The following UBE3D variants were observed in gnomAD, a reference collection of about 807,000 sequenced individuals.
The protein encoded by UBE3D is ubiquitin protein ligase E3D.
In UBE3D, 48 loss-of-function variants were observed where a neutral mutation model predicts 49.6. That is an observed-to-expected ratio of 0.97 (90% CI 0.77 to 1.23). UBE3D has a LOEUF of 1.23. Among genes scored for constraint, UBE3D ranks in the 50% most tolerant of loss-of-function variants. The pLI, the probability that UBE3D is intolerant of heterozygous loss-of-function variation, is 0.00. For missense variants in UBE3D, 452 were observed against 468.4 expected (o/e 0.96, Z 0.32); for synonymous variants, 189 against 174.2 (o/e 1.08, Z -0.67).
At chr6:82,932,577 C>T (rs1774243910) in intron 9 of UBE3D, 1 of 152,144 alleles carries the variant, frequency 6.6e-6, no homozygotes, top group Non-Finnish European at 1.5e-5. Context: ...TCTGTTTTCA[C>T]AGTTTTTCTT....
At chr6:82,991,822 G>C (rs1281184156) in intron 8 of UBE3D, among the ~76,000 whole-genome samples, 2 of 152,026 alleles carry the variant, frequency 1.3e-5, no homozygotes, top group Non-Finnish European at 2.9e-5. Context: ...TCCCCTTAAG[G>C]TTTTTCACCC....
intron 4 of UBE3D, among the ~76,000 whole-genome samples, chr6:83,043,000 A>T (rs1197955412): frequency 6.6e-6 from 1 of 152,222 alleles, no homozygotes. Flanking sequence ...TCTTTTCAAC[A>T]GCATCTTGTC....
intron 8 of UBE3D, among the ~76,000 whole-genome samples, chr6:82,981,926 G>A (rs1778145028): frequency 6.6e-6 from 1 of 152,060 alleles, no homozygotes; most frequent in Non-Finnish European, 1.5e-5. Flanking sequence ...GCAGCTGCAG[G>A]AATGTCATAT....
chr6:82,885,444 C>G, the UBE3D span, among the ~76,000 whole-genome samples: 1 of 152,120 alleles, frequency 6.6e-6, no homozygotes, highest in Non-Finnish European at 1.5e-5. Flanking sequence ...ACACTGTGTG[C>G]CAGGTGCTGT....
At chr6:82,903,518 G>A (rs1350876415) in intron 9 of UBE3D, among the ~76,000 whole-genome samples, 1 of 152,136 alleles carries the variant, frequency 6.6e-6, no homozygotes, top group Non-Finnish European at 1.5e-5. Context: ...CAGTAGCATA[G>A]TTGAATCAGT....
chr6:82,887,397 T>TTGTTTTGTTTTTTTTG (rs1562053900), downstream of UBE3D, among the ~76,000 whole-genome samples: 14 of 145,658 alleles, frequency 9.6e-5, 1 homozygote, highest in Middle Eastern at 3.2e-3. Context: ...CAGTTTTTTT[T>TTGTTTTGTTTTTTTTG]TTTTTTTTTT....
At chr6:82,889,068 T>G (rs1770936741), downstream of UBE3D, among the ~76,000 whole-genome samples, 2 of 152,208 alleles carry the variant, frequency 1.3e-5, no homozygotes, top group South Asian at 4.1e-4. Context: ...GTCTTGTGTA[T>G]TTAAGATTTA....
chr6:83,039,558 AAAC>A (rs1782502386), intron 4 of UBE3D, among the ~76,000 whole-genome samples: 1 of 152,190 alleles, frequency 6.6e-6, no homozygotes, highest in Admixed American at 6.5e-5. Flanking sequence ...AGTGTTTTCC[AAAC>A]AACAGCTCAT....
chr6:82,983,608 T>C (rs1365318854), intron 8 of UBE3D, among the ~76,000 whole-genome samples: 2 of 152,134 alleles, frequency 1.3e-5, no homozygotes, highest in East Asian at 1.9e-4. Flanking sequence ...AATCCAGGAC[T>C]AAACAGTTTT....
At chr6:82,922,971 C>G (rs1773460514) in intron 9 of UBE3D, among the ~76,000 whole-genome samples, 1 of 152,198 alleles carries the variant, frequency 6.6e-6, no homozygotes, top group African/African-American at 2.4e-5. Context: ...CTCATCATCA[C>G]TGGTCATCAG....
At chr6:82,980,202 C>T (rs78828580) in intron 8 of UBE3D, among the ~76,000 whole-genome samples, 14,903 of 152,126 alleles carry the variant, frequency 0.098, 825 homozygotes, top group Non-Finnish European at 0.13. Flanking sequence ...ACATTCCTGC[C>T]AACATTGTGC....
intron 8 of UBE3D, among the ~76,000 whole-genome samples, chr6:83,007,945 A>G (rs1187728576): frequency 1.2e-5 from 1 of 84,366 alleles, no homozygotes; most frequent in African/African-American, 3.2e-5. Context: ...ACCCTGTCTC[A>G]AAAAAAGTAA....
chr6:83,009,813 T>TA (rs2127757307), intron 8 of UBE3D, among the ~76,000 whole-genome samples: 1 of 149,746 alleles, frequency 6.7e-6, no homozygotes, highest in African/African-American at 2.5e-5. Flanking sequence ...AAAAGAAGTA[T>TA]TAAAGAGTAT....
chr6:83,017,605 T>C (rs1780783606), intron 8 of UBE3D: 2 of 152,102 alleles, frequency 1.3e-5, no homozygotes, highest in African/African-American at 4.8e-5. Flanking sequence ...TAGGCAAAAA[T>C]CTAAATGGAA....
chr6:82,925,946 AC>A (rs746704169), intron 9 of UBE3D, among the ~76,000 whole-genome samples: 3 of 152,190 alleles, frequency 2.0e-5, no homozygotes, highest in Non-Finnish European at 4.4e-5. Context: ...GTGGTTAAGT[AC>A]ATGATAGAAC....
intron 8 of UBE3D, among the ~76,000 whole-genome samples, chr6:82,996,528 C>CTTTGA (rs1254241188): frequency 6.6e-6 from 1 of 152,176 alleles, no homozygotes; most frequent in African/African-American, 2.4e-5. Flanking sequence ...ACTCCTACCC[C>CTTTGA]TTTGAGTGTG....
intron 8 of UBE3D, among the ~76,000 whole-genome samples, chr6:82,962,300 T>A (rs925055072): frequency 1.3e-5 from 2 of 152,224 alleles, no homozygotes; most frequent in Admixed American, 6.5e-5. Flanking sequence ...AGTTTCAACA[T>A]GCTGCTAAAT....
At chr6:82,987,387 C>T (rs1378274192) in intron 8 of UBE3D, among the ~76,000 whole-genome samples, 1 of 152,100 alleles carries the variant, frequency 6.6e-6, no homozygotes, top group Non-Finnish European at 1.5e-5. Context: ...TTTCTTGATA[C>T]ATAACTATAT....
intron 8 of UBE3D, among the ~76,000 whole-genome samples, chr6:83,002,326 A>C (rs1173419268): frequency 6.6e-6 from 1 of 152,290 alleles, no homozygotes; most frequent in East Asian, 1.9e-4. Flanking sequence ...ATTTAGAGGT[A>C]GGGCTTTTGA....
Sources: allele counts gnomAD v4.1 joint callset (sites outside exome capture counted in the v4.1 genomes callset), GRCh38; gene constraint gnomAD v4.1.1; transcripts MANE v1.5; gene names NCBI Gene and HGNC (gene_info 2026-07-23, HGNC 2026-07-21).